The following NOB1 variants were observed in gnomAD, a reference collection of about 807,000 sequenced individuals.
NOB1 encodes RNA-binding protein NOB1.
In NOB1, 44 loss-of-function variants were observed where a neutral mutation model predicts 44.8. That is an observed-to-expected ratio of 0.98 (90% confidence interval 0.77 to 1.26). The LOEUF is 1.26. NOB1 is among the 50% of genes most tolerant of loss of function. NOB1 has a pLI of 0.00. For missense variants in NOB1, 560 were observed against 544.8 expected (o/e 1.03, Z -0.28); for synonymous variants, 238 against 218.7 (o/e 1.09, Z -0.78).
chr16:69,745,057 A>T (rs369887269), intron 7 of NOB1, 40 bp from the exon 8 acceptor site: 235 of 1,608,792 alleles, frequency 1.5e-4, no homozygotes, highest in Non-Finnish European at 1.9e-4. Context: ...CCAAAGCCAC[A>T]GGCAGCAAAC....
Position 69,754,631 on chromosome 16 carries a change from C to T in NOB1, c.159G>A (p.Leu53=), listed in dbSNP as rs576461373. 4 of 1,614,212 alleles carry T rather than the reference C, an allele frequency of 2.5e-6. No individual in the cohort carries two copies. In the East Asian group the frequency reaches 6.7e-5, roughly 27 times the overall value. ...ATTCCGGTAAGGGCTCCTTGAACCG[C>T]AGCTCGTAGGGCAGGACAGCGAGCC... The part of the protein sequence containing the change: ...RRRLAVLPYE[L]RFKEPLPEYV... The change falls in exon 2 of 9, where the codon CTG becomes CTA. Residue 53 remains leucine, a synonymous_variant. Transcript: ENST00000268802.
chr16:69,752,178 A>T, intron 3 of NOB1, 63 bp downstream of exon 3: 1 of 1,522,024 alleles, frequency 6.6e-7, no homozygotes, highest in Non-Finnish European at 9.1e-7. Context: ...TAGTCCTTCT[A>T]CTTTTGTATA....
intron 7 of NOB1, among the ~76,000 whole-genome samples, chr16:69,746,122 G>A (rs1250213134): frequency 6.6e-6 from 1 of 152,348 alleles, no homozygotes; most frequent in East Asian, 1.9e-4. Flanking sequence ...GGCGGGGCGG[G>A]GCCCCAAGCC....
intron 7 of NOB1, among the ~76,000 whole-genome samples, chr16:69,745,638 C>G (rs917489400): frequency 6.6e-6 from 1 of 152,200 alleles, no homozygotes; most frequent in African/African-American, 2.4e-5. Context: ...AGGCTTCCCC[C>G]ACCTATGCAC....
At chr16:69,745,672 G>C (rs1049126889) in intron 7 of NOB1, among the ~76,000 whole-genome samples, 1 of 152,178 alleles carries the variant, frequency 6.6e-6, no homozygotes, top group Non-Finnish European at 1.5e-5. Flanking sequence ...GTGGACTCTC[G>C]ACAGGAGAAA....
chr16:69,750,679 G>A (rs934766814), intron 3 of NOB1, among the ~76,000 whole-genome samples: 2 of 152,090 alleles, frequency 1.3e-5, no homozygotes, highest in Non-Finnish European at 1.5e-5. Flanking sequence ...GTTCATGCCT[G>A]TAATCTCAGC....
intron 2 of NOB1, among the ~76,000 whole-genome samples, 153 bp downstream of exon 2, chr16:69,754,441 C>T (rs1483120941): frequency 6.6e-6 from 1 of 152,170 alleles, no homozygotes. Context: ...ACTCCAGACC[C>T]AGGAAGCCTC....
At chr16:69,754,807 C>T (rs1451078091) in intron 1 of NOB1, 41 bp downstream of exon 1, 3 of 1,608,532 alleles carry the variant, frequency 1.9e-6, no homozygotes, top group Admixed American at 1.7e-5. Flanking sequence ...GGAGGGGCGG[C>T]CAGCCCAGAT....
intron 8 of NOB1, among the ~76,000 whole-genome samples, chr16:69,744,525 C>A (rs985277032): frequency 6.6e-6 from 1 of 152,156 alleles, no homozygotes; most frequent in Non-Finnish European, 1.5e-5. Context: ...CTAGCCCGTC[C>A]GGCCCTCTCT....
At chr16:69,753,858 G>A (rs897499836) in intron 2 of NOB1, among the ~76,000 whole-genome samples, 3 of 152,188 alleles carry the variant, frequency 2.0e-5, no homozygotes, top group African/African-American at 7.2e-5. Context: ...CCAGGCTGGA[G>A]TGCAGTGGTA....
intron 2 of NOB1, among the ~76,000 whole-genome samples, chr16:69,753,898 C>T (rs2038502794): frequency 1.3e-5 from 2 of 152,298 alleles, no homozygotes; most frequent in African/African-American, 4.8e-5. Flanking sequence ...CCTCCACCTC[C>T]AGGTTCAAGC....
intron 3 of NOB1, among the ~76,000 whole-genome samples, chr16:69,749,873 GAGGCTGAAGC>G (rs1245676332): frequency 6.6e-6 from 1 of 151,556 alleles, no homozygotes; most frequent in African/African-American, 2.4e-5. Context: ...AGCTACTCAG[GAGGCTGAAGC>G]AGGAGAATTC....
intron 7 of NOB1, among the ~76,000 whole-genome samples, chr16:69,747,671 A>G (rs1362789215): frequency 6.6e-6 from 1 of 152,152 alleles, no homozygotes; most frequent in Admixed American, 6.5e-5. Flanking sequence ...ATGTACCGCT[A>G]AAGAATGAGG....
Position 69,754,917 on chromosome 16 carries a change from T to C in NOB1, c.-7A>G, listed in dbSNP as rs565262860. The C allele has an allele frequency of 6.3e-7, 1 of 1,576,204 alleles. No homozygotes were observed. Among genetic ancestry groups the C allele is most frequent in the Admixed American group, 1.9e-5 (1 of 53,870 alleles). ...CGTGCTCCACTGGAGCCATGTTGGC[T>C]GCGTGAGAGGGGAGCGCGCATGCGC... On this transcript the variant is annotated 5_prime_UTR_variant, in exon 1 of 9. Coordinates refer to ENST00000268802, the MANE Select transcript of NOB1 (RefSeq NM_014062.3).
Position 69,754,663 on chromosome 16 carries a change from G to T in NOB1, c.127C>A (p.Arg43Ser), listed in dbSNP as rs757218713. The T allele has an allele frequency of 5.6e-6, 9 of 1,614,068 alleles. No individual in the cohort carries two copies. The highest frequency in any genetic ancestry group is 6.8e-6 in the Non-Finnish European group (8 of 1,180,054). ...TAGGGCAGGACAGCGAGCCGCCTGC[G>T]TGTGGCCTTGTCCCGAATCTCAGTG... ...VVTEIRDKAT[R>S]RRLAVLPYEL... Residue 43 changes from arginine (R) to serine (S), a missense_variant, in exon 2 of 9, where the codon CGC becomes AGC. By Grantham distance (110) the Arg-to-Ser change is moderately radical. Coordinates refer to ENST00000268802, the MANE Select transcript of NOB1 (RefSeq NM_014062.3).
chr16:69,748,956 C>T lies in NOB1; in HGVS notation c.688G>A (p.Val230Met), dbSNP rs528824487. ...ELEQCDVPED[V>M]RVGCLTTDFA... ...TCTGTGGTCAGGCAGCCAACCCGCA[C>T]GTCCTCGGGGACGTCACACTGCTCC... is the stretch of plus-strand genomic sequence containing the variant. The change falls in exon 6 of 9, where the codon GTG becomes ATG. Residue 230 changes from valine to methionine, a missense_variant. Physicochemically the swap from Val to Met is conservative, Grantham distance 21. Coordinates refer to ENST00000268802, the MANE Select transcript of NOB1 (RefSeq NM_014062.3). 1.2e-5 allele frequency: 19 copies of T among 1,612,774 alleles called. No individual in the cohort carries two copies. Among genetic ancestry groups the T allele is most frequent in the South Asian group, 8.8e-5 (8 of 90,954 alleles).
chr16:69,749,283 A>C lies in NOB1; in HGVS notation c.455T>G (p.Leu152Arg). ...CCAGAACATGAAGGAACTAAATTCCAGGTTCTCAGGCTCACAAGCTGAGTG... is the reference window on the plus strand; with the variant it reads ...CCAGAACATGAAGGAACTAAATTCCCGGTTCTCAGGCTCACAAGCTGAGTG... ...KGHSACEPEN[L>R]EFSSFMFWRN... is the part of the protein sequence containing the mutation. Residue 152 changes from leucine to arginine, a missense_variant, in exon 5 of 9, where the codon CTG (leucine) becomes CGG (arginine). Leu to Arg is a moderately radical substitution (Grantham distance 102, BLOSUM62 -2). Coordinates refer to ENST00000268802, the MANE Select transcript of NOB1 (RefSeq NM_014062.3). 1.9e-6 allele frequency: 3 copies of C among 1,612,886 alleles called. No individual in the cohort carries two copies. Among genetic ancestry groups the C allele is most frequent in the Non-Finnish European group, 2.5e-6 (3 of 1,179,706 alleles).
intron 2 of NOB1, among the ~76,000 whole-genome samples, chr16:69,753,875 C>A (rs1274100889): frequency 6.6e-6 from 1 of 152,090 alleles, no homozygotes; most frequent in Non-Finnish European, 1.5e-5. Context: ...GGTACGATCT[C>A]GGCTCACTGC....
rs771192164 is a variant in NOB1 at position 69,742,289 on chromosome 16, G to C, written c.*43C>G. 14 of 1,589,112 alleles carry C rather than the reference G, an allele frequency of 8.8e-6. No individual in the cohort carries two copies. In the South Asian group the frequency reaches 1.5e-4, roughly 17 times the overall value. On this transcript the variant is annotated 3_prime_UTR_variant, in exon 9 of 9. Transcript: ENST00000268802. ...GGGAAATGGGTCACCGGAACTCCAC[G>C]GCGGCCAGACGCCCATCCAATTTGC...
Sources: gnomAD v4.1 joint callset for allele counts (sites outside exome capture counted in the v4.1 genomes callset) on GRCh38, gnomAD v4.1.1 for gene constraint, MANE v1.5 for transcripts, NCBI Gene and HGNC (gene_info 2026-07-23, HGNC 2026-07-21) for gene names.